Variants in RELN observed in about 807,000 individuals in gnomAD.
RELN encodes reelin.
A neutral mutation model predicts 427.6 loss-of-function variants in RELN; 108 were observed. That is an observed-to-expected ratio of 0.25 (90% CI 0.22 to 0.30). RELN has a LOEUF of 0.30. Ranked by LOEUF, RELN falls within the 10% of genes least tolerant of loss-of-function variation. The pLI, the probability that RELN is intolerant of heterozygous loss-of-function variation, is 1.00. For synonymous variants in RELN, 1,524 were observed against 1,513.4 expected, an observed-to-expected ratio of 1.01 and a Z score of -0.16; for missense variants, 3,715 against 4,302.8, an observed-to-expected ratio of 0.86 and a Z score of 3.82.
chr7:103,745,949 A>C (rs1205961394), intron 6 of RELN, among the ~76,000 whole-genome samples: 2 of 152,154 alleles, frequency 1.3e-5, no homozygotes, highest in African/African-American at 4.8e-5. Flanking sequence ...AAAAGAGCTC[A>C]CATTGCCAAG....
Position 103,652,703 on chromosome 7 carries a change from T to G in RELN, c.1611A>C (p.Lys537Asn). The change falls in exon 14 of 65, where the codon AAA (lysine) becomes AAC (asparagine). Residue 537 changes from lysine (K) to asparagine (N), a missense_variant. Around this residue, in one of 4 missense-constraint regions of RELN, gnomAD observed 2,208 missense variants for 2,361.7 expected, o/e 0.93. Transcript: ENST00000428762. ...INPELQTPATKFCLRQKNHQG... is the reference protein window; with the variant it reads ...INPELQTPATNFCLRQKNHQG... ...GATGGTTCTTTTGCCTGAGACAAAA[T>G]TTGGTAGCAGGAGTCTGAAGTTCAG... The G allele has an allele frequency of 6.2e-7, 1 of 1,612,886 alleles. No homozygotes were observed.
At chr7:103,841,153 T>C (rs1793541912) in intron 2 of RELN, among the ~76,000 whole-genome samples, 1 of 152,208 alleles carries the variant, frequency 6.6e-6, no homozygotes, top group Non-Finnish European at 1.5e-5. Flanking sequence ...AACTCCAAAG[T>C]TCTATAAAGT....
In RELN at chr7:103,704,976, C is replaced by G. The variant is rs538584183; in HGVS notation, c.806-3970G>C. Among the ~76,000 whole-genome samples, 42 of 152,284 alleles carry G rather than the reference C, an allele frequency of 2.8e-4. 1 individual carries two copies. Among genetic ancestry groups the G allele is most frequent in the South Asian group, 1.2e-3 (6 of 4,816 alleles). The stretch of plus-strand genomic sequence containing the variant: ...TGCAGCAGGATTTGTCAAGGCTGAT[C>G]CGATATTTCTGGGATGTTCTCTTCT... On this transcript the variant is annotated intron_variant, in intron 8 of 64. Transcript: ENST00000428762.
chr7:103,949,050 C>T (rs1011497941), intron 1 of RELN, among the ~76,000 whole-genome samples: 17 of 144,594 alleles, frequency 1.2e-4, no homozygotes, highest in Admixed American at 1.4e-4. Context: ...AAAAAAAACC[C>T]GTATACATAT....
Position 103,490,800 on chromosome 7 carries a change from T to C in RELN, c.9473A>G (p.Gln3158Arg). Residue 3158 changes from glutamine to arginine, a missense_variant, in exon 59 of 65, where the codon CAG (glutamine) becomes CGG (arginine). Around this residue, in one of 4 missense-constraint regions of RELN, gnomAD observed 1,310 missense variants for 1,643.0 expected, o/e 0.80. Coordinates refer to ENST00000428762, the MANE Select transcript of RELN (RefSeq NM_005045.4). ...RSDSWQLVQT[Q>R]CLPSSSNSIG... ...GCTGTTAGAAGAGGAAGGAAGGCAC[T>C]GGGTCTGTACGAGCTGCCAGGAATC... 6.2e-7 allele frequency: 1 copy of C among 1,614,182 alleles called. No individual in the cohort carries two copies.
intron 60 of RELN, among the ~76,000 whole-genome samples, chr7:103,489,203 G>GGTGTGTGTGTGTGTGTGTGTGTGT (rs3051647): frequency 8.1e-5 from 12 of 147,868 alleles, no homozygotes; most frequent in Admixed American, 3.4e-4. Context: ...GTCATAAAGG[G>GGTGTGTGTGTGTGTGTGTGTGTGT]GTGTGTGTGT....
chr7:103,951,032 C>T (rs559919020), intron 1 of RELN, among the ~76,000 whole-genome samples: 3 of 152,144 alleles, frequency 2.0e-5, no homozygotes, highest in Non-Finnish European at 4.4e-5. Flanking sequence ...CTGGTTCAAG[C>T]GATTCCCCTA....
At chr7:103,873,389 A>T (rs1415768684) in intron 2 of RELN, among the ~76,000 whole-genome samples, 125 of 133,682 alleles carry the variant, frequency 9.4e-4, no homozygotes, top group African/African-American at 3.3e-3. Flanking sequence ...GACACAAAAA[A>T]CCCTTCAAAA....
intron 1 of RELN, among the ~76,000 whole-genome samples, chr7:103,930,636 T>A (rs1208935987): frequency 6.6e-6 from 1 of 152,032 alleles, no homozygotes; most frequent in African/African-American, 2.4e-5. Context: ...AGCTAATTTT[T>A]AAAATTTTTC....
intron 8 of RELN, among the ~76,000 whole-genome samples, chr7:103,706,224 T>TAA (rs34822414): frequency 0.018 from 2,629 of 143,366 alleles, 85 homozygotes; most frequent in African/African-American, 0.063. Flanking sequence ...TTTCACTTGT[T>TAA]AAAAAAAAAA....
intron 11 of RELN, among the ~76,000 whole-genome samples, chr7:103,667,506 A>G (rs1201299146): frequency 6.6e-6 from 1 of 152,194 alleles, no homozygotes; most frequent in African/African-American, 2.4e-5. Flanking sequence ...TAATTATCCT[A>G]AGGCATGAAG....
chr7:103,579,444 C>G, intron 28 of RELN, among the ~76,000 whole-genome samples: 1 of 151,970 alleles, frequency 6.6e-6, no homozygotes, highest in South Asian at 2.1e-4. Context: ...ACTAAAAATA[C>G]AAAAATTAGC....
intron 63 of RELN, chr7:103,478,664 G>T: frequency 3.2e-6 from 1 of 310,368 alleles, no homozygotes; most frequent in East Asian, 5.5e-5. Flanking sequence ...ACTACATTTG[G>T]CATAAATGTT....
chr7:103,811,790 T>C (rs541260014), intron 3 of RELN, among the ~76,000 whole-genome samples: 32 of 152,296 alleles, frequency 2.1e-4, no homozygotes, highest in Admixed American at 5.9e-4. Context: ...TTGGCAGACA[T>C]AAACCAACAC....
rs1454783982 is a variant in RELN at position 103,620,711 on chromosome 7, T to G, written c.2703-8908A>C. On this transcript the variant is annotated intron_variant, in intron 20 of 64. Coordinates refer to ENST00000428762, the MANE Select transcript of RELN (RefSeq NM_005045.4). The surrounding 1 kb of genome is among the most constrained non-coding windows in gnomAD (Gnocchi z 4.1). ...CTGGTCTTGAACTCCTGACCTCAAG[T>G]GATCTGCCCGCCTCAGCCTCCCAAA... Among the ~76,000 whole-genome samples, 1 of 152,092 alleles carries G rather than the reference T, an allele frequency of 6.6e-6. No homozygotes were observed. The highest frequency in any genetic ancestry group is 6.6e-5 in the Admixed American group (1 of 15,254).
At chr7:103,509,134 A>G (rs1829312977) in intron 51 of RELN, among the ~76,000 whole-genome samples, 1 of 152,226 alleles carries the variant, frequency 6.6e-6, no homozygotes, top group African/African-American at 2.4e-5. Flanking sequence ...GACTTTCTTC[A>G]CAGAATTGGA....
intron 6 of RELN, among the ~76,000 whole-genome samples, chr7:103,739,357 T>C (rs1338743042): frequency 6.6e-6 from 1 of 152,230 alleles, no homozygotes; most frequent in Admixed American, 6.5e-5. Context: ...AATTTAGTTA[T>C]ACGAGGTTTT....
chr7:103,613,869 T>G (rs1447466349), intron 20 of RELN, among the ~76,000 whole-genome samples: 1 of 152,234 alleles, frequency 6.6e-6, no homozygotes, highest in Non-Finnish European at 1.5e-5. Flanking sequence ...TAAGATTATT[T>G]TTACAATCAG....
chr7:103,518,249 A>C (rs1829614603), intron 49 of RELN, among the ~76,000 whole-genome samples: 1 of 151,574 alleles, frequency 6.6e-6, no homozygotes, highest in Admixed American at 6.6e-5. Context: ...TTAAATGATC[A>C]TTTATAAGAT....
Sources: gnomAD v4.1 joint callset for allele counts (sites outside exome capture counted in the v4.1 genomes callset) on GRCh38, gnomAD v4.1.1 for gene constraint, gnomAD v4.1.1 regional missense constraint, Gnocchi (gnomAD v3.1) non-coding constraint, MANE v1.5 for transcripts, NCBI Gene and HGNC (gene_info 2026-07-23, HGNC 2026-07-21) for gene names.